The following RNF125 variants were observed in gnomAD, a reference collection of about 807,000 sequenced individuals.
RNF125 encodes the protein E3 ubiquitin-protein ligase RNF125.
A neutral mutation model predicts 26.0 loss-of-function variants in RNF125; 21 were observed. That is an observed-to-expected ratio of 0.81 (90% CI 0.57 to 1.16). The LOEUF is 1.16. Among genes scored for constraint, RNF125 ranks in the 50% most tolerant of loss-of-function variants. RNF125 has a pLI of 0.00. For missense variants in RNF125, 270 were observed against 299.4 expected (o/e 0.90, Z 0.72); for synonymous variants, 95 against 109.2 (o/e 0.87, Z 0.81).
the RNF125 span, among the ~76,000 whole-genome samples, chr18:32,089,112 C>T: frequency 2.0e-5 from 3 of 152,172 alleles, no homozygotes; most frequent in Non-Finnish European, 4.4e-5. Flanking sequence ...GAAGGTTTTA[C>T]AGTGTTGGTG....
chr18:32,051,019 G>T (rs550875722), intron 4 of RNF125, among the ~76,000 whole-genome samples: 2 of 151,248 alleles, frequency 1.3e-5, no homozygotes, highest in African/African-American at 4.9e-5. Flanking sequence ...CACCGCGCCT[G>T]GCCTCAAAGT....
chr18:32,041,404 G>A (rs950946422), intron 2 of RNF125, among the ~76,000 whole-genome samples: 3 of 151,838 alleles, frequency 2.0e-5, no homozygotes, highest in Non-Finnish European at 4.4e-5. Context: ...AACTTGCTAT[G>A]GGCACCTCTA....
chr18:32,033,600 C>A (rs1435781399), intron 1 of RNF125, among the ~76,000 whole-genome samples: 1 of 150,844 alleles, frequency 6.6e-6, no homozygotes. Context: ...GAGTGCGGAT[C>A]ACCTGAGGGC....
At chr18:32,046,046 A>G (rs144209385) in intron 4 of RNF125, among the ~76,000 whole-genome samples, 3,001 of 151,958 alleles carry the variant, frequency 0.02, 51 homozygotes, top group Non-Finnish European at 0.028. Context: ...GTGAAACCCC[A>G]TCTCTACTAA....
At chr18:32,090,509 AATT>A in the RNF125 span, among the ~76,000 whole-genome samples, 18 of 152,176 alleles carry the variant, frequency 1.2e-4, no homozygotes, top group East Asian at 1.9e-3. Flanking sequence ...TCATTGGACA[AATT>A]ATTATTATTC....
chr18:32,075,936 T>C, downstream of RNF125: 1 of 1,521,640 alleles, frequency 6.6e-7, no homozygotes, highest in Non-Finnish European at 9.0e-7. Flanking sequence ...TCTTTGCTTC[T>C]TCATGGTCCA....
chr18:32,071,406 T>G lies in RNF125; in HGVS notation c.*3022T>G, dbSNP rs967595337. On this transcript the variant is annotated 3_prime_UTR_variant, in exon 6 of 6. Coordinates refer to ENST00000217740, the MANE Select transcript of RNF125 (RefSeq NM_017831.4). ...GTGTTGGCCTCCTAAAGTACTGGGATTACAGGTGTGTGCCACCGCGCCAGG... is the reference window on the plus strand; with the variant it reads ...GTGTTGGCCTCCTAAAGTACTGGGAGTACAGGTGTGTGCCACCGCGCCAGG... The G allele has an allele frequency of 2.0e-5, 3 of 152,208 alleles. No individual in the cohort carries two copies. The highest frequency in any genetic ancestry group is 4.4e-5 in the Non-Finnish European group (3 of 68,080). The allele number at this position is 152,208 out of a possible 1,614,324, so 9.4% of individuals were successfully genotyped here. A position where few individuals can be genotyped will look rare whatever the true frequency, so the allele number is the denominator to read the frequency against.
chr18:32,048,154 A>G (rs1428399013), intron 4 of RNF125, among the ~76,000 whole-genome samples: 2 of 151,466 alleles, frequency 1.3e-5, no homozygotes, highest in Non-Finnish European at 1.5e-5. Flanking sequence ...GCTCATGCCT[A>G]TAATCCCAGC....
intron 4 of RNF125, among the ~76,000 whole-genome samples, chr18:32,048,333 G>A (rs1156581424): frequency 1.3e-5 from 2 of 151,902 alleles, no homozygotes; most frequent in South Asian, 2.1e-4. Context: ...GGCTGAGGCA[G>A]GAGAATCACT....
At chr18:32,066,879 C>T (rs927774209) in intron 5 of RNF125, among the ~76,000 whole-genome samples, 3 of 152,178 alleles carry the variant, frequency 2.0e-5, no homozygotes, top group Non-Finnish European at 4.4e-5. Flanking sequence ...TATCTCTAAG[C>T]ATGTCTTTTG....
At chr18:32,029,406 T>C (rs922771189) in intron 1 of RNF125, among the ~76,000 whole-genome samples, 1 of 150,910 alleles carries the variant, frequency 6.6e-6, no homozygotes, top group African/African-American at 2.4e-5. Context: ...GTGGAACTGC[T>C]TGAACCCCAG....
chr18:32,061,880 T>A (rs554771209), intron 4 of RNF125, among the ~76,000 whole-genome samples: 9 of 152,336 alleles, frequency 5.9e-5, no homozygotes, highest in African/African-American at 2.2e-4. Flanking sequence ...TGTATTATTT[T>A]AAATCTAACA....
chr18:32,066,251 A>G (rs1027096111), intron 5 of RNF125: 1 of 252,446 alleles, frequency 4.0e-6, no homozygotes, highest in African/African-American at 2.2e-5. Flanking sequence ...GGAGTTCAAG[A>G]CCAGCCTGGC....
intron 4 of RNF125, among the ~76,000 whole-genome samples, chr18:32,061,185 C>T (rs562231558): frequency 2.6e-5 from 4 of 152,184 alleles, no homozygotes; most frequent in Admixed American, 6.5e-5. Flanking sequence ...CCACCACACC[C>T]GGCTAATTTT....
intron 1 of RNF125, among the ~76,000 whole-genome samples, chr18:32,026,661 G>A (rs755240613): frequency 8.5e-5 from 13 of 152,088 alleles, no homozygotes; most frequent in Non-Finnish European, 1.8e-4. Flanking sequence ...CACCTGTTTG[G>A]TTCCCAGCTG....
At chr18:32,060,730 C>A (rs1210123273) in intron 4 of RNF125, among the ~76,000 whole-genome samples, 1 of 152,198 alleles carries the variant, frequency 6.6e-6, no homozygotes, top group African/African-American at 2.4e-5. Flanking sequence ...GGTTTAATCT[C>A]CCAATTTAAG....
intron 2 of RNF125, among the ~76,000 whole-genome samples, chr18:32,041,085 C>G (rs111697813): frequency 0.011 from 1,751 of 152,264 alleles, 17 homozygotes; most frequent in Admixed American, 0.019. Flanking sequence ...CAGAGTGGGT[C>G]GGCCACCTTA....
intron 1 of RNF125, 70 bp from the exon 2 acceptor site, chr18:32,037,046 A>AATG: frequency 7.1e-7 from 1 of 1,398,670 alleles, no homozygotes; most frequent in Non-Finnish European, 9.8e-7. Context: ...AGTTTACACA[A>AATG]ATGAATACAT....
chr18:32,089,117 T>C, the RNF125 span, among the ~76,000 whole-genome samples: 5 of 152,202 alleles, frequency 3.3e-5, no homozygotes, highest in African/African-American at 1.2e-4. Context: ...TTTTACAGTG[T>C]TGGTGAAGCT....
Sources: allele counts gnomAD v4.1 joint callset (sites outside exome capture counted in the v4.1 genomes callset), GRCh38; gene constraint gnomAD v4.1.1; transcripts MANE v1.5; gene names NCBI Gene and HGNC (gene_info 2026-07-23, HGNC 2026-07-21).